EPB41L2: variants seen among roughly 807,000 people sequenced by gnomAD.
EPB41L2 encodes the protein band 4.1-like protein 2.
Under a neutral mutation model 113.0 loss-of-function variants are expected in EPB41L2, and 43 were observed. The ratio of observed to expected loss-of-function variants is 0.38; its 90% CI spans 0.30 to 0.49. The LOEUF (loss-of-function observed/expected upper bound fraction) is 0.49. Among genes scored for constraint, EPB41L2 ranks in the 20% least tolerant of loss-of-function variants. The pLI is 0.95. For missense variants in EPB41L2, 1,147 were observed against 1,223.4 expected, an observed-to-expected ratio of 0.94 and a Z score of 0.93; for synonymous variants, 442 against 436.7, an observed-to-expected ratio of 1.01 and a Z score of -0.15.
rs146145658 is a variant in EPB41L2 at position 130,874,146 on chromosome 6, G to A, written c.2043+3958C>T. ...TAAGTCATCATAATTCATACAACAC[G>A]TTAAGAGGATTACAATAGAGTTATT... On this transcript the variant is annotated intron_variant, in intron 14 of 19. Transcript: ENST00000337057. Among the ~76,000 whole-genome samples the A allele has an allele frequency of 5.4e-3, 828 of 152,142 alleles. 19 individuals are homozygous for A. The highest frequency in any genetic ancestry group is 0.02 in the East Asian group (103 of 5,174).
chr6:130,930,119 C>T (rs1024156770), intron 3 of EPB41L2, among the ~76,000 whole-genome samples: 1 of 152,118 alleles, frequency 6.6e-6, no homozygotes, highest in Non-Finnish European at 1.5e-5. Flanking sequence ...CACCAAAACA[C>T]CTATTTGTAT....
At chr6:130,887,122 T>C in intron 11 of EPB41L2, among the ~76,000 whole-genome samples, 1 of 152,206 alleles carries the variant, frequency 6.6e-6, no homozygotes, top group Non-Finnish European at 1.5e-5. Context: ...GATATTAAAA[T>C]TTGAATATCA....
intron 1 of EPB41L2, among the ~76,000 whole-genome samples, chr6:131,052,837 T>G (rs181579993): frequency 7.2e-5 from 11 of 152,238 alleles, no homozygotes; most frequent in Middle Eastern, 6.8e-3. Flanking sequence ...TCTGCCCCAC[T>G]CGCCCTGCTA....
chr6:130,972,937 C>CAAAAAAAAAAAAAA lies in EPB41L2; in HGVS notation c.-14-16452_-14-16439dup, dbSNP rs57293132. Among the ~76,000 whole-genome samples, 74 of 59,516 alleles carry CAAAAAAAAAAAAAA rather than the reference C, an allele frequency of 1.2e-3. 1 individual carries two copies. Among genetic ancestry groups the CAAAAAAAAAAAAAA allele is most frequent in the East Asian group, 3.5e-3 (6 of 1,696 alleles). 39.0% of individuals were successfully genotyped at this position (59,516 alleles called of 152,430 possible). On this transcript the variant is annotated intron_variant, in intron 1 of 19. Transcript: ENST00000337057. ...TGAAACCCCATCTCTACTAAAGATA[C>CAAAAAAAAAAAAAA]AAAAAAAAAAAAAAAAAAAAAAAAA...
rs771061145 is a variant in EPB41L2 at position 130,890,279 on chromosome 6, C to T, written c.1660+15G>A. On this transcript the variant is annotated intron_variant, in intron 11 of 19. Coordinates refer to ENST00000337057, the MANE Select transcript of EPB41L2 (RefSeq NM_001431.4). ...AAAGATGAATGAAAATCAAAATTATCATAAATGTGTTTACCTCCATCTAGA... is the reference window on the plus strand; with the variant it reads ...AAAGATGAATGAAAATCAAAATTATTATAAATGTGTTTACCTCCATCTAGA... The T allele has an allele frequency of 1.3e-6, 2 of 1,589,894 alleles. No individual in the cohort carries two copies. The highest frequency in any genetic ancestry group is 1.8e-5 in the Admixed American group (1 of 55,726).
In EPB41L2 at chr6:131,054,330, A is replaced by ATCTGTCCCTG. The variant is rs148001060; in HGVS notation, c.-15+8815_-15+8824dup. On this transcript the variant is annotated intron_variant, in intron 1 of 19. Transcript: ENST00000337057. ...CAAGTCCCTATAGGACCCTGTCTCT[A>ATCTGTCCCTG]TCTGTCCCTGTCTGTCCCTGCAAGT... 2.0e-5 allele frequency among the ~76,000 whole-genome samples: 3 copies of ATCTGTCCCTG among 151,892 alleles called. No individual in the cohort carries two copies. In the East Asian group the frequency reaches 5.8e-4, roughly 29 times the overall value.
At chr6:130,847,182 T>C (rs1276855341) in intron 19 of EPB41L2, among the ~76,000 whole-genome samples, 1 of 152,244 alleles carries the variant, frequency 6.6e-6, no homozygotes, top group African/African-American at 2.4e-5. Flanking sequence ...TCCCATGTGC[T>C]CTTTCTTCCC....
intron 1 of EPB41L2, among the ~76,000 whole-genome samples, chr6:130,982,242 A>G (rs1779537376): frequency 6.6e-6 from 1 of 152,218 alleles, no homozygotes; most frequent in African/African-American, 2.4e-5. Flanking sequence ...TAGCAACACC[A>G]ACAAATACTT....
At chr6:130,858,613 T>G (rs772021419) in intron 18 of EPB41L2, among the ~76,000 whole-genome samples, 1 of 152,268 alleles carries the variant, frequency 6.6e-6, no homozygotes, top group Non-Finnish European at 1.5e-5. Flanking sequence ...AGGTTTTCTG[T>G]GTGAACTAAA....
chr6:131,021,586 G>A (rs567978613), intron 1 of EPB41L2, among the ~76,000 whole-genome samples: 23 of 152,136 alleles, frequency 1.5e-4, no homozygotes, highest in Admixed American at 2.6e-4. Context: ...CCTTGAACCC[G>A]GGAGGCAGAG....
intron 1 of EPB41L2, among the ~76,000 whole-genome samples, chr6:130,993,764 G>T (rs1199487578): frequency 6.6e-6 from 1 of 152,136 alleles, no homozygotes; most frequent in Non-Finnish European, 1.5e-5. Context: ...CAGGCCCTGG[G>T]GAGAATCTTT....
chr6:130,967,910 A>G (rs1193173503), intron 1 of EPB41L2, among the ~76,000 whole-genome samples: 1 of 152,198 alleles, frequency 6.6e-6, no homozygotes, highest in Non-Finnish European at 1.5e-5. Flanking sequence ...TAGAAAAAAA[A>G]ATGCTAACGT....
At chr6:130,927,961 C>T (rs1805312715) in intron 3 of EPB41L2, among the ~76,000 whole-genome samples, 4 of 152,048 alleles carry the variant, frequency 2.6e-5, no homozygotes, top group Admixed American at 6.5e-5. Context: ...GGTGTGGTGG[C>T]GTGTGCTTGT....
At chr6:130,944,095 A>G (rs530880065) in intron 3 of EPB41L2, among the ~76,000 whole-genome samples, 58 of 151,906 alleles carry the variant, frequency 3.8e-4, no homozygotes, top group Non-Finnish European at 5.3e-4. Flanking sequence ...AAGCATCTGA[A>G]AAGCAGGGCA....
At chr6:131,055,041 T>C (rs746112089) in intron 1 of EPB41L2, among the ~76,000 whole-genome samples, 1 of 152,242 alleles carries the variant, frequency 6.6e-6, no homozygotes. Flanking sequence ...GAAAAACAGT[T>C]TGCTGCTTAC....
rs1816948450 is a variant in EPB41L2 at position 130,955,113 on chromosome 6, C to T, written c.697G>A (p.Asp233Asn). 1.2e-6 allele frequency: 2 copies of T among 1,614,020 alleles called. No homozygotes were observed. The highest frequency in any genetic ancestry group is 1.7e-6 in the Non-Finnish European group (2 of 1,179,998). ...TLLDGTEYSCDLEKHAKGQVL... is the reference protein window; with the variant it reads ...TLLDGTEYSCNLEKHAKGQVL... The stretch of plus-strand genomic sequence containing the variant: ...TCAGCTCCCTATCTCACCTCCAGGT[C>T]ACAGCTGTATTCGGTGCCATCTAAG... The change falls in exon 3 of 20, where the codon GAC (aspartate) becomes AAC (asparagine). Residue 233 changes from aspartate (D) to asparagine (N), a missense_variant. Asp to Asn is a conservative substitution (Grantham distance 23, BLOSUM62 1). Transcript: ENST00000337057.
At chr6:130,946,093 A>G (rs1043715060) in intron 3 of EPB41L2, among the ~76,000 whole-genome samples, 4 of 152,154 alleles carry the variant, frequency 2.6e-5, no homozygotes, top group Admixed American at 2.6e-4. Context: ...TTTTCGAAAA[A>G]TTTTTGAGAT....
rs907653281 is a variant in EPB41L2 at position 130,940,308 on chromosome 6, A to AT, written c.706-13600dup. Among the ~76,000 whole-genome samples, 8 of 152,100 alleles carry AT rather than the reference A, an allele frequency of 5.3e-5. No homozygotes were observed. In the South Asian group the frequency reaches 8.3e-4, roughly 16 times the overall value. On this transcript the variant is annotated intron_variant, in intron 3 of 19. Coordinates refer to ENST00000337057, the MANE Select transcript of EPB41L2 (RefSeq NM_001431.4). The stretch of plus-strand genomic sequence containing the variant: ...TGCCCTGAACAAATGTTTCTGGTAC[A>AT]TTTTTTTTATGTCATCCTTGATACG...
In EPB41L2 at chr6:130,895,007, T is replaced by C. The variant is rs1794177213; in HGVS notation, c.1349A>G (p.Tyr450Cys). 1.2e-6 allele frequency: 2 copies of C among 1,613,988 alleles called. No homozygotes were observed. The highest frequency in any genetic ancestry group is 1.7e-6 in the Non-Finnish European group (2 of 1,179,896). The change falls in exon 9 of 20, where the codon TAT (tyrosine) becomes TGT (cysteine). Residue 450 changes from tyrosine (Y) to cysteine (C), a missense_variant. By Grantham distance (194) the Tyr-to-Cys change is radical (BLOSUM62 -2). Coordinates refer to ENST00000337057, the MANE Select transcript of EPB41L2 (RefSeq NM_001431.4). ...FAWPKILKISYKRSNFYIKVR... is the reference protein window; with the variant it reads ...FAWPKILKISCKRSNFYIKVR... ...TTTAATGTAGAAGTTACTGCGTTTA[T>C]AGGAAATTTTTAAGATTTTCGGCCA...
Sources: allele counts gnomAD v4.1 joint callset (sites outside exome capture counted in the v4.1 genomes callset), GRCh38; gene constraint gnomAD v4.1.1; transcripts MANE v1.5; gene names NCBI Gene and HGNC (gene_info 2026-07-23, HGNC 2026-07-21).